The following BLACAT1 variants were observed in gnomAD, a reference collection of about 807,000 sequenced individuals.
BLACAT1 encodes bladder cancer associated transcript 1.
chr1:205,446,282 T>TCCAGGC (rs1045685347), intron 1 of BLACAT1, among the ~76,000 whole-genome samples: 16 of 152,118 alleles, frequency 1.1e-4, no homozygotes, highest in East Asian at 7.7e-4. Flanking sequence ...CCAGAAGCAA[T>TCCAGGC]CCAGGCCCAG....
intron 1 of BLACAT1, among the ~76,000 whole-genome samples, chr1:205,451,252 T>C (rs769536341): frequency 2.0e-5 from 3 of 152,134 alleles, no homozygotes; most frequent in Non-Finnish European, 4.4e-5. Flanking sequence ...CAACAGATGC[T>C]AAGAATTCCC....
In BLACAT1 at chr1:205,450,024, C is replaced by T. The variant is rs577799404; in HGVS notation, c.-37+5893G>A. The stretch of plus-strand genomic sequence containing the variant: ...GGCCTCCTCCCTCCCCCTGCCCGCC[C>T]ACCACCGGCCAGGGCTGAGCTGTAC... On this transcript the variant is annotated intron_variant, in intron 1 of 1. Coordinates refer to ENST00000629624, the Ensembl canonical transcript of BLACAT1. This position sits in a 1 kb window ranked among gnomAD's most constrained non-coding sequence, Gnocchi z 4.4. The T allele has an allele frequency of 6.6e-6, 1 of 152,416 alleles. No individual in the cohort carries two copies. Among genetic ancestry groups the T allele is most frequent in the East Asian group, 1.9e-4 (1 of 5,134 alleles). 9.4% of individuals were successfully genotyped at this position (152,416 alleles called of 1,614,324 possible). A position where few individuals can be genotyped will look rare whatever the true frequency, so the allele number is the denominator to read the frequency against.
exon 2 of BLACAT1, chr1:205,440,606 G>A (rs1666277315): frequency 6.6e-6 from 1 of 152,330 alleles, no homozygotes; most frequent in Non-Finnish European, 1.5e-5. Flanking sequence ...CTCAGGGCAG[G>A]AAAGAAGTTT....
chr1:205,454,270 G>A (rs140114848), intron 1 of BLACAT1, among the ~76,000 whole-genome samples: 60 of 152,328 alleles, frequency 3.9e-4, no homozygotes, highest in Non-Finnish European at 6.9e-4. Flanking sequence ...CAGCAGGACT[G>A]TGGTCTCCCC....
intron 1 of BLACAT1, among the ~76,000 whole-genome samples, chr1:205,447,528 G>T (rs997676986): frequency 3.9e-4 from 60 of 152,132 alleles, no homozygotes; most frequent in Non-Finnish European, 4.4e-5. Context: ...ACAGCCACCT[G>T]TTGGAATCTT....
chr1:205,452,034 G>C (rs1399061320), intron 1 of BLACAT1, among the ~76,000 whole-genome samples: 2 of 152,074 alleles, frequency 1.3e-5, no homozygotes, highest in African/African-American at 4.8e-5. Flanking sequence ...GAGATGAGGG[G>C]GCCTGGGGCA....
intron 1 of BLACAT1, among the ~76,000 whole-genome samples, chr1:205,449,417 C>T (rs890409364): frequency 6.6e-6 from 1 of 152,058 alleles, no homozygotes; most frequent in African/African-American, 2.4e-5. Flanking sequence ...GTAAGAGGCC[C>T]CAGGCCCAGA....
chr1:205,449,660 C>A (rs1666461321), intron 1 of BLACAT1, among the ~76,000 whole-genome samples: 1 of 152,176 alleles, frequency 6.6e-6, no homozygotes, highest in Non-Finnish European at 1.5e-5. Context: ...CAGGGCCAAA[C>A]AACCAGGCAT....
intron 1 of BLACAT1, among the ~76,000 whole-genome samples, chr1:205,452,726 G>A (rs968025577): frequency 2.0e-5 from 3 of 152,190 alleles, no homozygotes; most frequent in Non-Finnish European, 4.4e-5. Context: ...TTAGAGCTCA[G>A]CAGACCTGCC....
At chr1:205,454,420 T>G (rs780987070) in intron 1 of BLACAT1, among the ~76,000 whole-genome samples, 34 of 109,684 alleles carry the variant, frequency 3.1e-4, no homozygotes, top group Middle Eastern at 3.9e-3. Flanking sequence ...TTTGTGTGTG[T>G]GGGGTGCGTG....
downstream of BLACAT1, chr1:205,437,040 T>A (rs1451387694): frequency 6.5e-6 from 1 of 152,676 alleles, no homozygotes; most frequent in Non-Finnish European, 1.5e-5. Context: ...GCTGTGGCTC[T>A]CCATCCAGAA....
At chr1:205,443,906 C>CTG (rs1666338935) in intron 1 of BLACAT1, among the ~76,000 whole-genome samples, 1 of 152,164 alleles carries the variant, frequency 6.6e-6, no homozygotes, top group Non-Finnish European at 1.5e-5. Flanking sequence ...AGTCCCTCTG[C>CTG]CAGGCTGTGG....
intron 1 of BLACAT1, chr1:205,449,946 C>G (rs1356905348): frequency 6.5e-6 from 1 of 152,688 alleles, no homozygotes; most frequent in South Asian, 2.1e-4. Context: ...GCCTTCCAGG[C>G]AGCCACTCAC....
chr1:205,444,992 G>C (rs995104707), intron 1 of BLACAT1, among the ~76,000 whole-genome samples: 1 of 148,584 alleles, frequency 6.7e-6, no homozygotes, highest in Admixed American at 6.8e-5. Context: ...CCCCCTCCCC[G>C]GCTCCCTTAG....
chr1:205,452,974 C>G (rs1175906432), intron 1 of BLACAT1, among the ~76,000 whole-genome samples: 1 of 152,130 alleles, frequency 6.6e-6, no homozygotes. Context: ...TTGGTGTGTG[C>G]TTGGAGCTCC....
Position 205,450,800 on chromosome 1 carries a change from T to A in BLACAT1, c.-37+5117A>T, listed in dbSNP as rs1575013990. Among the ~76,000 whole-genome samples the A allele has an allele frequency of 6.6e-6, 1 of 151,954 alleles. No homozygotes were observed. Among genetic ancestry groups the A allele is most frequent in the Admixed American group, 6.6e-5 (1 of 15,248 alleles). ...AGAGGGACTGGGCTGGGGATGGAGG[T>A]GGGGACAGCCATCATGTCTCAGGCT... On this transcript the variant is annotated intron_variant, in intron 1 of 1. Transcript: ENST00000629624. This position sits in a 1 kb window ranked among gnomAD's most constrained non-coding sequence, Gnocchi z 4.4.
intron 1 of BLACAT1, among the ~76,000 whole-genome samples, chr1:205,442,521 G>C (rs998208753): frequency 6.6e-6 from 1 of 152,186 alleles, no homozygotes; most frequent in Non-Finnish European, 1.5e-5. Context: ...CACAGTGCCC[G>C]GTGGATCCAA....
intron 1 of BLACAT1, among the ~76,000 whole-genome samples, chr1:205,454,344 G>A (rs1666536465): frequency 6.6e-6 from 1 of 151,964 alleles, no homozygotes. Flanking sequence ...CCTAGTTGAG[G>A]GTCTCTCCTT....
At chr1:205,453,600 G>A (rs1013099573) in intron 1 of BLACAT1, among the ~76,000 whole-genome samples, 31 of 152,158 alleles carry the variant, frequency 2.0e-4, no homozygotes, top group African/African-American at 7.2e-4. Flanking sequence ...AGGGAGAGAC[G>A]GGAGACCTGG....
Sources: allele counts gnomAD v4.1 joint callset (sites outside exome capture counted in the v4.1 genomes callset), GRCh38; gene constraint gnomAD v4.1.1; non-coding constraint Gnocchi (gnomAD v3.1); transcripts MANE v1.5; gene names NCBI Gene and HGNC (gene_info 2026-07-23, HGNC 2026-07-21).